Variants in SYTL2 observed in about 807,000 individuals in gnomAD.
SYTL2 encodes the protein synaptotagmin like 2, also known as synaptotagmin-like protein 2.
SYTL2 carries 165 observed loss-of-function variants against 198.7 expected under a neutral mutation model. That is an observed-to-expected ratio of 0.83 (90% CI 0.73 to 0.94). The LOEUF (loss-of-function observed/expected upper bound fraction) is 0.94. Ranked by LOEUF, SYTL2 falls within the 40% of genes least tolerant of loss-of-function variation. SYTL2 has a pLI of 0.00. For missense variants in SYTL2, 2,835 were observed against 2,582.8 expected, an observed-to-expected ratio of 1.10 and a Z score of -2.12; for synonymous variants, 966 against 917.7, an observed-to-expected ratio of 1.05 and a Z score of -0.95.
At chr11:85,803,016 C>A (rs1375028345) in intron 1 of SYTL2, among the ~76,000 whole-genome samples, 1 of 152,206 alleles carries the variant, frequency 6.6e-6, no homozygotes, top group Non-Finnish European at 1.5e-5. Flanking sequence ...TCTCCCATCA[C>A]CTTGTTGGCC....
At chr11:85,836,585 G>C in the SYTL2 span, among the ~76,000 whole-genome samples, 7 of 151,986 alleles carry the variant, frequency 4.6e-5, no homozygotes, top group Admixed American at 3.9e-4. Context: ...TGACAAACAG[G>C]CCTCTAACAT....
chr11:85,702,220 C>T (rs1200461821), intron 16 of SYTL2, among the ~76,000 whole-genome samples: 2 of 144,700 alleles, frequency 1.4e-5, no homozygotes, highest in African/African-American at 2.6e-5. Flanking sequence ...GACAGGGTCT[C>T]GCTTTGTTGC....
At chr11:85,749,200 C>A (rs1005729025) in intron 2 of SYTL2, among the ~76,000 whole-genome samples, 3 of 152,120 alleles carry the variant, frequency 2.0e-5, no homozygotes, top group Non-Finnish European at 4.4e-5. Flanking sequence ...AAACTTTGTT[C>A]TAACTGACAA....
chr11:85,846,724 G>A, the SYTL2 span, among the ~76,000 whole-genome samples: 2 of 148,166 alleles, frequency 1.3e-5, no homozygotes, highest in African/African-American at 2.5e-5. Context: ...ACCACGCCCA[G>A]GTTGAAACTA....
rs34855876 is a variant in SYTL2 at position 85,735,314 on chromosome 11, G to GT, written c.587-573dup. On this transcript the variant is annotated intron_variant, in intron 6 of 19. Coordinates refer to ENST00000359152, the MANE Select transcript of SYTL2 (RefSeq NM_206927.4). ...GATTATTTTACACCCAATACAGAAA[G>GT]TTTTTTTAAGAATGAAAAGAAAATT... 8.2e-3 allele frequency among the ~76,000 whole-genome samples: 1,247 copies of GT among 152,112 alleles called. 12 individuals carry two copies. The highest frequency in any genetic ancestry group is 0.027 in the African/African-American group (1,124 of 41,490).
intron 4 of SYTL2, among the ~76,000 whole-genome samples, chr11:85,744,549 G>C (rs1161099462): frequency 6.6e-6 from 1 of 152,158 alleles, no homozygotes; most frequent in African/African-American, 2.4e-5. Context: ...TACCCATAGA[G>C]TCAGTATTCC....
At chr11:85,830,555 T>G in the SYTL2 span, among the ~76,000 whole-genome samples, 1 of 151,992 alleles carries the variant, frequency 6.6e-6, no homozygotes, top group Non-Finnish European at 1.5e-5. Flanking sequence ...GATGTCTCTT[T>G]GTGTCTTTGT....
chr11:85,753,707 CTGAGCTA>C (rs1294525692), intron 2 of SYTL2, among the ~76,000 whole-genome samples: 3 of 147,610 alleles, frequency 2.0e-5, no homozygotes, highest in Non-Finnish European at 4.4e-5. Context: ...GGAGGCTGCA[CTGAGCTA>C]TGATTGCCTC....
chr11:85,716,236 A>T (rs1221912207), intron 11 of SYTL2: 1 of 152,216 alleles, frequency 6.6e-6, no homozygotes, highest in Non-Finnish European at 1.5e-5. Flanking sequence ...GATGCTCAAA[A>T]TTAAATATGT....
Position 85,704,711 on chromosome 11 carries a change from CT to C in SYTL2, c.6189+146del, listed in dbSNP as rs957935321. The C allele has an allele frequency of 6.0e-5, 34 of 566,094 alleles. No homozygotes were observed. The Admixed American group carries it at 8.2e-4, about 14-fold the overall frequency. The allele number at this position is 566,094 out of a possible 1,614,324, so 35.1% of individuals were successfully genotyped here. ...ATGATTTAAACATGTTCCCAATAACCTTTTTTACCTTTCTTTTTTTTCCTCT... is the reference window on the plus strand; with the variant it reads ...ATGATTTAAACATGTTCCCAATAACCTTTTTACCTTTCTTTTTTTTCCTCT... On this transcript the variant is annotated intron_variant, in intron 16 of 19. Coordinates refer to ENST00000359152, the MANE Select transcript of SYTL2 (RefSeq NM_206927.4).
At position 85,724,674 on chromosome 11, in the gene SYTL2, T is replaced by C; in HGVS notation, c.4684A>G (p.Ser1562Gly). ...EKAEAPLITE[S>G]AFDAGFEKLL... Reference sequence around the variant, plus strand: ...TTCTCAAAACCAGCATCAAAAGCACTCTCAGTTATTAACGGAGCCTCGGCC... The same window carrying C: ...TTCTCAAAACCAGCATCAAAAGCACCCTCAGTTATTAACGGAGCCTCGGCC... The change falls in exon 8 of 20, where the codon AGT becomes GGT. Residue 1562 changes from serine to glycine, a missense_variant. Ser to Gly is a moderately conservative substitution (Grantham distance 56). Coordinates refer to ENST00000359152, the MANE Select transcript of SYTL2 (RefSeq NM_206927.4). 2 of 1,614,026 alleles carry C rather than the reference T, an allele frequency of 1.2e-6. No individual in the cohort carries two copies. Among genetic ancestry groups the C allele is most frequent in the South Asian group, 2.2e-5 (2 of 91,056 alleles).
intron 6 of SYTL2, 30 bp downstream of exon 6, chr11:85,736,471 A>G (rs756699387): frequency 4.1e-6 from 5 of 1,220,752 alleles, no homozygotes; most frequent in South Asian, 4.0e-5. Flanking sequence ...ACAAAGATAA[A>G]AAAATCAAGT....
chr11:85,799,299 A>G (rs963756235), intron 1 of SYTL2, among the ~76,000 whole-genome samples: 1 of 152,208 alleles, frequency 6.6e-6, no homozygotes, highest in African/African-American at 2.4e-5. Flanking sequence ...AGATGAGGAC[A>G]TAAAGAATGA....
At chr11:85,696,130 G>A in intron 19 of SYTL2, 53 bp downstream of exon 19, 2 of 1,476,434 alleles carry the variant, frequency 1.4e-6, no homozygotes, top group South Asian at 1.1e-5. Context: ...CAAACCTCTA[G>A]TATCTCTAGA....
chr11:85,762,399 T>C (rs1472492412), intron 1 of SYTL2, among the ~76,000 whole-genome samples: 1 of 152,196 alleles, frequency 6.6e-6, no homozygotes, highest in Non-Finnish European at 1.5e-5. Context: ...TCTCCTTGGG[T>C]TCAGCCTCTC....
At chr11:85,837,710 G>C in the SYTL2 span, among the ~76,000 whole-genome samples, 1 of 152,112 alleles carries the variant, frequency 6.6e-6, no homozygotes, top group Non-Finnish European at 1.5e-5. Context: ...TTCTACCCTG[G>C]AGGAACACAC....
At chr11:85,848,101 A>G in the SYTL2 span, among the ~76,000 whole-genome samples, 1 of 152,046 alleles carries the variant, frequency 6.6e-6, no homozygotes, top group Non-Finnish European at 1.5e-5. Context: ...TCAGTTGAGC[A>G]TGGTGGCACG....
intron 1 of SYTL2, among the ~76,000 whole-genome samples, chr11:85,810,717 G>T (rs982804221): frequency 6.6e-6 from 1 of 152,184 alleles, no homozygotes; most frequent in African/African-American, 2.4e-5. Flanking sequence ...GGGCATCCCA[G>T]CTTCCTGGCC....
chr11:85,737,924 G>A (rs1219725684), intron 4 of SYTL2, among the ~76,000 whole-genome samples: 1 of 152,102 alleles, frequency 6.6e-6, no homozygotes, highest in African/African-American at 2.4e-5. Context: ...GGCAAAAGAG[G>A]GTCACGGAGG....
Sources: allele counts gnomAD v4.1 joint callset (sites outside exome capture counted in the v4.1 genomes callset), GRCh38; gene constraint gnomAD v4.1.1; transcripts MANE v1.5; gene names NCBI Gene and HGNC (gene_info 2026-07-23, HGNC 2026-07-21).